MUSK: variants seen among roughly 807,000 people sequenced by gnomAD.
MUSK encodes muscle, skeletal receptor tyrosine-protein kinase.
MUSK carries 55 observed loss-of-function variants against 88.7 expected under a neutral mutation model. The ratio of observed to expected loss-of-function variants is 0.62; its 90% CI spans 0.50 to 0.78. The LOEUF is 0.78. Ranked by LOEUF, MUSK falls within the 30% of genes least tolerant of loss-of-function variation. The probability of loss-of-function intolerance (pLI) is 0.00; values close to 1 mark genes in which losing one functional copy is unlikely to be tolerated. For missense variants in MUSK, 1,015 were observed against 1,074.3 expected, an observed-to-expected ratio of 0.94 and a Z score of 0.77; for synonymous variants, 387 against 391.9, an observed-to-expected ratio of 0.99 and a Z score of 0.15.
In MUSK at chr9:110,697,457, G is replaced by A; in HGVS notation, c.619G>A (p.Glu207Lys). 6.2e-7 allele frequency: 1 copy of A among 1,607,940 alleles called. No homozygotes were observed. The highest frequency in any genetic ancestry group is 8.5e-7 in the Non-Finnish European group (1 of 1,176,546). ...GTAYSKVVKL[E>K]VEVFARILRA... ...AGCATATTCCAAAGTGGTGAAGCTG[G>A]AAGTTGAGGGTAAGGAGCTGCATTT... The change falls in exon 5 of 15, where the codon GAA becomes AAA. Residue 207 changes from glutamate to lysine, a missense_variant. Physicochemically the swap from Glu to Lys is moderately conservative, Grantham distance 56 (BLOSUM62 1). Coordinates refer to ENST00000374448, the MANE Select transcript of MUSK (RefSeq NM_005592.4).
intron 7 of MUSK, among the ~76,000 whole-genome samples, chr9:110,749,159 C>T (rs770222310): frequency 7.9e-5 from 12 of 152,196 alleles, no homozygotes; most frequent in Non-Finnish European, 1.3e-4. Flanking sequence ...CTAGATGACG[C>T]CCATTGTGTT....
intron 3 of MUSK, among the ~76,000 whole-genome samples, chr9:110,687,693 AG>A (rs2076216298): frequency 6.6e-6 from 1 of 152,114 alleles, no homozygotes; most frequent in Non-Finnish European, 1.5e-5. Context: ...CTGGTGATTC[AG>A]CACTGAGACA....
chr9:110,755,988 A>ATATACATATATG (rs2077318779), intron 7 of MUSK, among the ~76,000 whole-genome samples: 1 of 143,248 alleles, frequency 7.0e-6, no homozygotes, highest in Admixed American at 7.3e-5. Context: ...ACATATATAT[A>ATATACATATATG]TATATATATG....
At chr9:110,774,263 C>T (rs1247441890) in intron 9 of MUSK, among the ~76,000 whole-genome samples, 4 of 152,092 alleles carry the variant, frequency 2.6e-5, no homozygotes, top group Admixed American at 2.6e-4. Context: ...TTTCTATTTT[C>T]AATGAAGATT....
At chr9:110,781,426 A>G (rs752586714) in intron 11 of MUSK, among the ~76,000 whole-genome samples, 108 of 152,110 alleles carry the variant, frequency 7.1e-4, no homozygotes, top group Non-Finnish European at 1.1e-3. Context: ...ACAGGCGCCC[A>G]CCACCATGCC....
intron 6 of MUSK, among the ~76,000 whole-genome samples, chr9:110,734,987 G>A (rs2077011010): frequency 2.0e-5 from 3 of 152,068 alleles, no homozygotes; most frequent in Non-Finnish European, 2.9e-5. Flanking sequence ...TTCTCATGGG[G>A]AAATACGGGA....
intron 3 of MUSK, among the ~76,000 whole-genome samples, chr9:110,693,451 C>T (rs996186753): frequency 2.0e-5 from 3 of 152,154 alleles, no homozygotes; most frequent in Non-Finnish European, 4.4e-5. Context: ...AAGCCCTCCC[C>T]CAAGAGCTCC....
intron 3 of MUSK, among the ~76,000 whole-genome samples, chr9:110,688,903 GTTTT>G (rs946015008): frequency 4.1e-5 from 6 of 144,806 alleles, no homozygotes; most frequent in Non-Finnish European, 9.0e-5. Context: ...CTGTTTTATT[GTTTT>G]TTTGTTATAT....
chr9:110,712,916 T>C (rs147564998), intron 5 of MUSK, among the ~76,000 whole-genome samples: 1 of 152,106 alleles, frequency 6.6e-6, no homozygotes, highest in African/African-American at 2.4e-5. Context: ...ATATTTACAA[T>C]GATAGAAGTT....
At chr9:110,759,554 A>G (rs1282394823) in intron 7 of MUSK, among the ~76,000 whole-genome samples, 1 of 152,236 alleles carries the variant, frequency 6.6e-6, no homozygotes, top group Non-Finnish European at 1.5e-5. Flanking sequence ...GAGTGGAGAA[A>G]ATATTTACAA....
chr9:110,668,917 G>C lies in MUSK; in HGVS notation c.13G>C (p.Val5Leu), dbSNP rs765874906. MREL[V>L]NIPLVHILTL... ...GCCTGGATTAATCATGAGAGAGCTC[G>C]TCAACATTCCACTGGTACATATTCT... is the stretch of plus-strand genomic sequence containing the variant. Residue 5 changes from valine (V) to leucine (L), a missense_variant, in exon 1 of 15, where the codon GTC becomes CTC. Val to Leu is a conservative substitution (Grantham distance 32). Coordinates refer to ENST00000374448, the MANE Select transcript of MUSK (RefSeq NM_005592.4). The C allele has an allele frequency of 3.7e-6, 6 of 1,613,604 alleles. No homozygotes were observed. In the South Asian group the frequency reaches 6.6e-5, roughly 18 times the overall value.
chr9:110,776,891 C>T (rs1364052646), intron 11 of MUSK, among the ~76,000 whole-genome samples: 1 of 152,110 alleles, frequency 6.6e-6, no homozygotes, highest in East Asian at 1.9e-4. Flanking sequence ...AATGCTATCT[C>T]CCACCTCAAG....
chr9:110,752,005 C>A (rs2131890202), intron 7 of MUSK, among the ~76,000 whole-genome samples: 1 of 152,154 alleles, frequency 6.6e-6, no homozygotes, highest in Non-Finnish European at 1.5e-5. Context: ...AGTGTTATTC[C>A]CTGGAATAAG....
intron 5 of MUSK, among the ~76,000 whole-genome samples, chr9:110,712,632 T>A (rs925836255): frequency 6.6e-6 from 1 of 152,188 alleles, no homozygotes; most frequent in Admixed American, 6.5e-5. Context: ...CAGTGACCCA[T>A]GAACCACACT....
Position 110,802,807 on chromosome 9 carries a change from G to A in MUSK, c.*1819G>A, listed in dbSNP as rs1022342066. Among the ~76,000 whole-genome samples the A allele has an allele frequency of 2.0e-5, 3 of 152,120 alleles. No homozygotes were observed. The highest frequency in any genetic ancestry group is 4.4e-5 in the Non-Finnish European group (3 of 68,030). ...CTGTAGGATACAACGACAGTAAGGC[G>A]GTCCTTAGTCACAGTTCTGGTTCAT... is the stretch of plus-strand genomic sequence containing the variant. On this transcript the variant is annotated 3_prime_UTR_variant, in exon 15 of 15. Transcript: ENST00000374448.
chr9:110,768,444 C>T (rs7038233), intron 9 of MUSK, among the ~76,000 whole-genome samples: 58,744 of 152,022 alleles, frequency 0.39, 12,243 homozygotes, highest in Middle Eastern at 0.48. Context: ...TGCAGTGAGC[C>T]GAGATTGCAC....
At chr9:110,723,724 G>A (rs562248874) in intron 5 of MUSK, among the ~76,000 whole-genome samples, 1 of 151,898 alleles carries the variant, frequency 6.6e-6, no homozygotes, top group Non-Finnish European at 1.5e-5. Context: ...TGTGTGTCTG[G>A]CATTTAATTG....
At chr9:110,797,149 ATG>A (rs2078016406) in intron 14 of MUSK, among the ~76,000 whole-genome samples, 1 of 108,368 alleles carries the variant, frequency 9.2e-6, no homozygotes, top group Non-Finnish European at 1.8e-5. Context: ...TAAAAAATAA[ATG>A]CATGAATACC....
intron 5 of MUSK, chr9:110,728,324 G>C (rs1488066097): frequency 4.7e-6 from 1 of 212,648 alleles, no homozygotes. Flanking sequence ...CTACAAGGGG[G>C]GAACGCAATG....
Sources: gnomAD v4.1 joint callset for allele counts (sites outside exome capture counted in the v4.1 genomes callset) on GRCh38, gnomAD v4.1.1 for gene constraint, MANE v1.5 for transcripts, NCBI Gene and HGNC (gene_info 2026-07-23, HGNC 2026-07-21) for gene names.